The following INSR variants were observed in gnomAD, a reference collection of about 807,000 sequenced individuals.
INSR encodes IR.
INSR carries 67 observed loss-of-function variants against 142.6 expected under a neutral mutation model. That is an observed-to-expected ratio of 0.47 (90% CI 0.39 to 0.58). The LOEUF (loss-of-function observed/expected upper bound fraction) is 0.58. INSR is among the 20% of genes least tolerant of loss of function. INSR has a pLI of 0.00. For synonymous variants in INSR, 756 were observed against 743.1 expected (o/e 1.02, Z -0.28); for missense variants, 1,248 against 1,833.2 (o/e 0.68, Z 5.83).
intron 2 of INSR, among the ~76,000 whole-genome samples, chr19:7,220,520 C>T (rs1975580265): frequency 6.6e-6 from 1 of 152,168 alleles, no homozygotes; most frequent in African/African-American, 2.4e-5. Flanking sequence ...AACTCCTGAC[C>T]TCAGGTGATC....
intron 2 of INSR, among the ~76,000 whole-genome samples, chr19:7,237,708 C>T (rs1178417081): frequency 1.3e-5 from 2 of 151,658 alleles, no homozygotes; most frequent in Non-Finnish European, 2.9e-5. Context: ...CCCAGCAACT[C>T]GGGAGGCTGA....
intron 2 of INSR, among the ~76,000 whole-genome samples, chr19:7,209,121 C>T (rs1191251827): frequency 6.6e-6 from 1 of 152,050 alleles, no homozygotes; most frequent in Non-Finnish European, 1.5e-5. Flanking sequence ...GATTGTGCCA[C>T]TGCATTCCAG....
intron 2 of INSR, among the ~76,000 whole-genome samples, chr19:7,196,613 T>G (rs62111422): frequency 0.093 from 14,163 of 152,114 alleles, 692 homozygotes; most frequent in South Asian, 0.17. Flanking sequence ...TTTTCTTAAT[T>G]AAGAAGGTAT....
chr19:7,139,800 A>G (rs952427998), intron 13 of INSR, among the ~76,000 whole-genome samples: 4 of 149,260 alleles, frequency 2.7e-5, no homozygotes, highest in Admixed American at 6.8e-5. Context: ...GAAGGGCCAC[A>G]TATAGTCTCT....
At chr19:7,163,886 A>G (rs1973822349) in intron 8 of INSR, among the ~76,000 whole-genome samples, 1 of 134,788 alleles carries the variant, frequency 7.4e-6, no homozygotes, top group South Asian at 2.5e-4. Context: ...CAGGAGTTCG[A>G]GACTACACCT....
In INSR at chr19:7,170,439, C is replaced by T. The variant is rs1170398673; in HGVS notation, c.1483+98G>A. 5.9e-6 allele frequency: 5 copies of T among 850,094 alleles called. No homozygotes were observed. The African/African-American group carries it at 6.7e-5, about 11-fold the overall frequency. 52.7% of individuals were successfully genotyped at this position (850,094 alleles called of 1,614,324 possible). On this transcript the variant is annotated intron_variant, in intron 6 of 21. Transcript: ENST00000302850. ...CATAGTAAATGTAATGCACTTGAAT[C>T]ATGCTGAAACCATCCCCACCCACCA...
intron 1 of INSR, among the ~76,000 whole-genome samples, chr19:7,273,738 G>A (rs187075776): frequency 2.6e-5 from 4 of 151,684 alleles, no homozygotes; most frequent in Admixed American, 6.6e-5. Flanking sequence ...GGCTGGTCTC[G>A]AACTCTGACC....
rs150182633 is a variant in INSR, at chr19:7,119,638, ACGCG to A, written c.3660-59_3660-56del. 2.0e-5 allele frequency: 32 copies of A among 1,567,542 alleles called. No individual in the cohort carries two copies. The highest frequency in any genetic ancestry group is 2.0e-4 in the Middle Eastern group (1 of 4,986). On this transcript the variant is annotated intron_variant, in intron 20 of 21. Coordinates refer to ENST00000302850, the MANE Select transcript of INSR (RefSeq NM_000208.4). The surrounding 1 kb of genome is among the most constrained non-coding windows in gnomAD (Gnocchi z 5.2). ...AGAAGCCATTTAGACACACACACAC[ACGCG>A]CGCGCGCAAACACACACACGCAAAC...
At chr19:7,221,971 A>G (rs1215416189) in intron 2 of INSR, among the ~76,000 whole-genome samples, 6 of 151,974 alleles carry the variant, frequency 3.9e-5, no homozygotes, top group Non-Finnish European at 8.8e-5. Context: ...TATATTGAGC[A>G]CCAACTGTTT....
At chr19:7,287,830 A>G (rs1223143397) in intron 1 of INSR, among the ~76,000 whole-genome samples, 1 of 152,240 alleles carries the variant, frequency 6.6e-6, no homozygotes, top group Admixed American at 6.5e-5. Flanking sequence ...GTTCCAGATC[A>G]GAGGTCAGCA....
intron 14 of INSR, among the ~76,000 whole-genome samples, chr19:7,129,486 G>A (rs1017355059): frequency 2.0e-5 from 3 of 151,914 alleles, no homozygotes; most frequent in East Asian, 1.9e-4. Context: ...CACCACACCC[G>A]GCTAATTTTT....
chr19:7,189,151 G>A (rs1010022775), intron 2 of INSR, among the ~76,000 whole-genome samples: 3 of 146,442 alleles, frequency 2.0e-5, no homozygotes, highest in Admixed American at 7.1e-5. Context: ...CAGGACCCAC[G>A]GAGTTCCAGC....
chr19:7,250,139 A>G (rs1976665573), intron 2 of INSR, among the ~76,000 whole-genome samples: 1 of 151,426 alleles, frequency 6.6e-6, no homozygotes, highest in Non-Finnish European at 1.5e-5. Context: ...AGCCTGGGTG[A>G]CAGAGCAAGA....
At chr19:7,254,525 T>C (rs1976831369) in intron 2 of INSR, among the ~76,000 whole-genome samples, 1 of 151,802 alleles carries the variant, frequency 6.6e-6, no homozygotes. Context: ...CAAGACCCCA[T>C]CTCAAAAACA....
In INSR at chr19:7,119,606, G is replaced by A. The variant is rs928083858; in HGVS notation, c.3660-23C>T. Reference sequence around the variant, plus strand: ...GACCTGCCGATGACAGTTGATAGTAGTAACAAAGAAGCCATTTAGACACAC... The same window carrying A: ...GACCTGCCGATGACAGTTGATAGTAATAACAAAGAAGCCATTTAGACACAC... On this transcript the variant is annotated intron_variant, in intron 20 of 21. Transcript: ENST00000302850. The surrounding 1 kb of genome is among the most constrained non-coding windows in gnomAD (Gnocchi z 5.2). 7 of 1,613,234 alleles carry A rather than the reference G, an allele frequency of 4.3e-6. No individual in the cohort carries two copies. In the African/African-American group the frequency reaches 8.0e-5, roughly 18 times the overall value.
At chr19:7,289,597 G>A (rs533235494) in intron 1 of INSR, among the ~76,000 whole-genome samples, 57 of 151,826 alleles carry the variant, frequency 3.8e-4, no homozygotes, top group Non-Finnish European at 6.0e-4. Flanking sequence ...GTAGAGATGG[G>A]GTTTCACCAT....
chr19:7,214,065 C>T (rs930479334), intron 2 of INSR, among the ~76,000 whole-genome samples: 2 of 151,922 alleles, frequency 1.3e-5, no homozygotes, highest in Non-Finnish European at 2.9e-5. Flanking sequence ...GCAACCTGGG[C>T]GAGAAGTCTA....
chr19:7,164,819 T>C (rs1599933152), intron 8 of INSR, among the ~76,000 whole-genome samples: 3 of 68,330 alleles, frequency 4.4e-5, no homozygotes, highest in African/African-American at 1.4e-4. Flanking sequence ...AGAGCGAAAC[T>C]CCATCTCAAA....
intron 2 of INSR, among the ~76,000 whole-genome samples, chr19:7,214,192 A>C (rs1975362104): frequency 6.6e-6 from 1 of 152,192 alleles, no homozygotes; most frequent in Non-Finnish European, 1.5e-5. Context: ...GAAGTGAACC[A>C]GGTATGAGAA....
Sources: allele counts gnomAD v4.1 joint callset (sites outside exome capture counted in the v4.1 genomes callset), GRCh38; gene constraint gnomAD v4.1.1; non-coding constraint Gnocchi (gnomAD v3.1); transcripts MANE v1.5; gene names NCBI Gene and HGNC (gene_info 2026-07-23, HGNC 2026-07-21).